The following RALGAPA1 variants were observed in gnomAD, a reference collection of about 807,000 sequenced individuals.
RALGAPA1 encodes the protein Ral GTPase activating protein catalytic subunit alpha 1, also known as ral GTPase-activating protein subunit alpha-1.
In RALGAPA1, 52 loss-of-function variants were observed where a neutral mutation model predicts 269.6. That is an observed-to-expected ratio of 0.19 (90% CI 0.15 to 0.24). The LOEUF (loss-of-function observed/expected upper bound fraction) is 0.24. RALGAPA1 is among the 10% of genes least tolerant of loss of function. RALGAPA1 has a pLI of 1.00. For missense variants in RALGAPA1, 1,917 were observed against 3,013.9 expected, an observed-to-expected ratio of 0.64 and a Z score of 8.52; for synonymous variants, 817 against 1,008.3, an observed-to-expected ratio of 0.81 and a Z score of 3.60.
intron 1 of RALGAPA1, among the ~76,000 whole-genome samples, chr14:35,781,720 G>A (rs1340688698): frequency 6.6e-6 from 1 of 151,856 alleles, no homozygotes; most frequent in East Asian, 1.9e-4. Context: ...TAACATAAAG[G>A]TCAAAACTCA....
At chr14:35,691,956 A>G (rs190180565) in intron 17 of RALGAPA1, among the ~76,000 whole-genome samples, 3 of 152,288 alleles carry the variant, frequency 2.0e-5, no homozygotes, top group African/African-American at 7.2e-5. Context: ...GTGAAAAGCG[A>G]AACATTTCCT....
At chr14:35,584,774 A>G (rs2058172656) in intron 37 of RALGAPA1, among the ~76,000 whole-genome samples, 2 of 152,206 alleles carry the variant, frequency 1.3e-5, no homozygotes, top group Non-Finnish European at 2.9e-5. Context: ...GGAACAAAGA[A>G]CAAGGGCAAA....
At chr14:35,670,578 G>C (rs1230125527) in intron 26 of RALGAPA1, among the ~76,000 whole-genome samples, 1 of 152,054 alleles carries the variant, frequency 6.6e-6, no homozygotes, top group Non-Finnish European at 1.5e-5. Context: ...GATTTACTTA[G>C]CATTGTCTCA....
At chr14:35,727,071 G>C (rs1026011652) in intron 13 of RALGAPA1, among the ~76,000 whole-genome samples, 3 of 151,746 alleles carry the variant, frequency 2.0e-5, no homozygotes, top group Non-Finnish European at 4.4e-5. Flanking sequence ...TGTTAGTAAA[G>C]AATCTTTTCA....
At chr14:35,751,140 T>C (rs1442547792) in intron 8 of RALGAPA1, among the ~76,000 whole-genome samples, 3 of 152,186 alleles carry the variant, frequency 2.0e-5, no homozygotes, top group African/African-American at 7.2e-5. Flanking sequence ...CTTCTATATA[T>C]GGCAGAGATA....
intron 35 of RALGAPA1, among the ~76,000 whole-genome samples, chr14:35,612,370 C>CAAAAAA (rs1010725263): frequency 1.6e-5 from 1 of 63,314 alleles, no homozygotes; most frequent in Non-Finnish European, 3.3e-5. Context: ...AACTCTGTTT[C>CAAAAAA]AAAAAAAAAA....
At chr14:35,611,621 T>C (rs1376765438) in intron 35 of RALGAPA1, among the ~76,000 whole-genome samples, 1 of 150,640 alleles carries the variant, frequency 6.6e-6, no homozygotes, top group African/African-American at 2.4e-5. Flanking sequence ...TCCTAGCTAC[T>C]GGGGAGGATG....
At chr14:35,724,967 C>G (rs2069756094) in intron 14 of RALGAPA1, 57 bp downstream of exon 14, 1 of 1,351,458 alleles carries the variant, frequency 7.4e-7, no homozygotes, top group East Asian at 2.6e-5. Flanking sequence ...AACAACAAAA[C>G]AAAACAAAAC....
chr14:35,739,539 C>T (rs777817442), intron 11 of RALGAPA1, among the ~76,000 whole-genome samples: 1 of 152,088 alleles, frequency 6.6e-6, no homozygotes, highest in Non-Finnish European at 1.5e-5. Context: ...TAATCAGATT[C>T]CCCCCAATTC....
intron 16 of RALGAPA1, among the ~76,000 whole-genome samples, chr14:35,714,017 C>T (rs1404232749): frequency 6.6e-6 from 1 of 151,744 alleles, no homozygotes; most frequent in Non-Finnish European, 1.5e-5. Flanking sequence ...ATTGCTTGAA[C>T]CCAGGAGGCA....
At chr14:35,744,180 T>C (rs577901757) in intron 10 of RALGAPA1, among the ~76,000 whole-genome samples, 1 of 152,252 alleles carries the variant, frequency 6.6e-6, no homozygotes, top group South Asian at 2.1e-4. Context: ...AAGACCAGCC[T>C]GACCAACATG....
rs372843442 is a variant in RALGAPA1, at chr14:35,663,152, C to T, written c.5328+1490G>A. ...CTCCTGGACTCAAGCAATCCTCCCACCTTGGCTAGGATTAAAGGCATGAGC... is the reference window on the plus strand; with the variant it reads ...CTCCTGGACTCAAGCAATCCTCCCATCTTGGCTAGGATTAAAGGCATGAGC... On this transcript the variant is annotated intron_variant, in intron 27 of 41. Transcript: ENST00000680220. Among the ~76,000 whole-genome samples the T allele has an allele frequency of 7.9e-5, 12 of 152,162 alleles. No homozygotes were observed. The South Asian group carries it at 1.7e-3, about 21-fold the overall frequency.
chr14:35,777,476 G>A (rs545307496), intron 1 of RALGAPA1, among the ~76,000 whole-genome samples: 10 of 152,154 alleles, frequency 6.6e-5, no homozygotes, highest in Non-Finnish European at 1.5e-4. Flanking sequence ...AAAGAGTGGA[G>A]AAATTCTACT....
At chr14:35,611,749 A>C (rs1283638173) in intron 35 of RALGAPA1, among the ~76,000 whole-genome samples, 1 of 152,120 alleles carries the variant, frequency 6.6e-6, no homozygotes, top group East Asian at 1.9e-4. Flanking sequence ...AAAAAGAAAA[A>C]GAGAAAACAG....
intron 16 of RALGAPA1, among the ~76,000 whole-genome samples, chr14:35,721,182 T>C (rs1307773054): frequency 6.6e-6 from 1 of 152,208 alleles, no homozygotes; most frequent in Non-Finnish European, 1.5e-5. Context: ...TATAGAACTT[T>C]CTTCCATTTT....
At chr14:35,677,839 C>T (rs1446085955) in intron 22 of RALGAPA1, 111 bp downstream of exon 22, 1 of 1,068,668 alleles carries the variant, frequency 9.4e-7, no homozygotes, top group Non-Finnish European at 1.3e-6. Context: ...TAGAAAAGTC[C>T]AAAATATTTA....
At chr14:35,763,481 TA>T (rs1330225080) in intron 4 of RALGAPA1, among the ~76,000 whole-genome samples, 11 of 152,068 alleles carry the variant, frequency 7.2e-5, no homozygotes, top group Middle Eastern at 3.4e-3. Flanking sequence ...TATAAATCCA[TA>T]AAAAATAATA....
chr14:35,549,017 G>T, intron 40 of RALGAPA1, 93 bp downstream of exon 40: 1 of 1,370,548 alleles, frequency 7.3e-7, no homozygotes. Flanking sequence ...ATATTTCAAT[G>T]ATTAGAATTT....
At chr14:35,756,115 T>A (rs751214892) in intron 7 of RALGAPA1, among the ~76,000 whole-genome samples, 1 of 152,212 alleles carries the variant, frequency 6.6e-6, no homozygotes, top group Non-Finnish European at 1.5e-5. Flanking sequence ...AGCTTTTCAT[T>A]TGAAGTATCA....
Sources: gnomAD v4.1 joint callset for allele counts (sites outside exome capture counted in the v4.1 genomes callset) on GRCh38, gnomAD v4.1.1 for gene constraint, MANE v1.5 for transcripts, NCBI Gene and HGNC (gene_info 2026-07-23, HGNC 2026-07-21) for gene names.